KDM6A: variants seen among roughly 807,000 people sequenced by gnomAD.
KDM6A encodes the protein lysine demethylase 6A, also known as lysine-specific demethylase 6A.
In KDM6A, 11 loss-of-function variants were observed where a neutral mutation model predicts 117.6. That is an observed-to-expected ratio of 0.09 (90% CI 0.06 to 0.15). The LOEUF is 0.15. KDM6A is among the 10% of genes least tolerant of loss of function. The pLI, the probability that KDM6A is intolerant of heterozygous loss-of-function variation, is 1.00. For synonymous variants in KDM6A, 384 were observed against 396.1 expected (o/e 0.97, Z 0.36); for missense variants, 799 against 1,077.3 (o/e 0.74, Z 3.62).
chrX:44,950,020 CTT>C (rs761398475), intron 2 of KDM6A, among the ~76,000 whole-genome samples: 2 of 103,010 alleles, frequency 1.9e-5, no homozygotes, highest in Non-Finnish European at 2.0e-5. Context: ...ATAATGCCAA[CTT>C]TTTTTTTTTT....
At chrX:45,002,745 A>C in intron 4 of KDM6A, among the ~76,000 whole-genome samples, 1 of 110,538 alleles carries the variant, frequency 9.0e-6, no homozygotes, top group South Asian at 3.8e-4. Context: ...ATTCTTTGAC[A>C]TACCTCAACT....
At chrX:44,984,294 G>C (rs1363812066) in intron 4 of KDM6A, among the ~76,000 whole-genome samples, 2 of 111,559 alleles carry the variant, frequency 1.8e-5, no homozygotes, top group East Asian at 5.6e-4. Context: ...TGAGTTCATC[G>C]TAGATTCTGG....
intron 4 of KDM6A, among the ~76,000 whole-genome samples, chrX:44,976,914 T>C (rs2039643197): frequency 1.8e-5 from 2 of 111,646 alleles, no homozygotes; most frequent in Non-Finnish European, 3.8e-5. Flanking sequence ...AAACTTTTTT[T>C]CCCTATGTCT....
At chrX:45,089,099 A>G (rs906169500) in intron 25 of KDM6A, among the ~76,000 whole-genome samples, 1 of 112,050 alleles carries the variant, frequency 8.9e-6, no homozygotes, top group East Asian at 2.8e-4. Context: ...AGGGATTTCT[A>G]GGTGCTCCAG....
intron 2 of KDM6A, among the ~76,000 whole-genome samples, chrX:44,930,939 G>A (rs1226644317): frequency 2.7e-5 from 3 of 111,348 alleles, no homozygotes; most frequent in African/African-American, 9.8e-5. Context: ...TCTTATCTGA[G>A]GACCATCCCT....
chrX:44,962,288 G>A (rs1221730881), intron 3 of KDM6A, among the ~76,000 whole-genome samples: 1 of 111,974 alleles, frequency 8.9e-6, no homozygotes, highest in East Asian at 2.8e-4. Context: ...TCTGAGACAG[G>A]CATATTCTGT....
intron 2 of KDM6A, among the ~76,000 whole-genome samples, chrX:44,894,447 G>A (rs2033632834): frequency 9.1e-6 from 1 of 110,189 alleles, no homozygotes; most frequent in African/African-American, 3.3e-5. Context: ...GAGTTGATCT[G>A]TTTCTTTTAA....
Position 45,111,775 on chromosome X carries a change from GA to G in KDM6A, c.*372del, listed in dbSNP as rs758082394. The G allele has an allele frequency of 5.1e-4, 99 of 192,936 alleles. No homozygotes were observed. Among genetic ancestry groups the G allele is most frequent in the African/African-American group, 2.5e-3 (85 of 34,006 alleles). 15.9% of individuals were successfully genotyped at this position (192,936 alleles called of 1,213,427 possible). On this transcript the variant is annotated 3_prime_UTR_variant, in exon 30 of 30. Transcript: ENST00000611820. ...TTTTCCCCCTTCAGAATTTTCCTTGGAAAAAAAATACTAGCCTAGCTGGTCA... is the reference window on the plus strand; with the variant it reads ...TTTTCCCCCTTCAGAATTTTCCTTGGAAAAAAATACTAGCCTAGCTGGTCA...
chrX:44,955,976 A>C (rs2038300922), intron 2 of KDM6A, among the ~76,000 whole-genome samples: 1 of 111,794 alleles, frequency 8.9e-6, no homozygotes, highest in Admixed American at 9.5e-5. Flanking sequence ...CTTTGTATTT[A>C]TATGAACCAG....
intron 2 of KDM6A, among the ~76,000 whole-genome samples, chrX:44,947,469 G>A (rs990949750): frequency 6.5e-5 from 7 of 107,516 alleles, no homozygotes; most frequent in Non-Finnish European, 1.2e-4. Flanking sequence ...TCCGCCTCCC[G>A]GGTCCATGCC....
At chrX:45,061,758 C>G (rs1569533670) in intron 15 of KDM6A, among the ~76,000 whole-genome samples, 3 of 110,021 alleles carry the variant, frequency 2.7e-5, no homozygotes. Flanking sequence ...TCCCAAAGTG[C>G]TGAGATTACA....
At chrX:45,014,050 G>T (rs1399593364) in intron 5 of KDM6A, among the ~76,000 whole-genome samples, 1 of 111,723 alleles carries the variant, frequency 9.0e-6, no homozygotes, top group East Asian at 2.8e-4. Context: ...TTGTCAGCAT[G>T]AAGAATCTGC....
At chrX:45,035,562 A>G (rs1270427977) in intron 7 of KDM6A, among the ~76,000 whole-genome samples, 1 of 111,129 alleles carries the variant, frequency 9.0e-6, no homozygotes, top group Non-Finnish European at 1.9e-5. Flanking sequence ...GATTGGGTTG[A>G]TTATATGTTT....
At chrX:45,010,926 AT>A in intron 4 of KDM6A, 34 bp from the exon 5 acceptor site, 1 of 1,067,451 alleles carries the variant, frequency 9.4e-7, no homozygotes. Context: ...AGATACAAGT[AT>A]TTTTCCTAAA....
At chrX:44,958,325 G>A (rs1483120774) in intron 2 of KDM6A, among the ~76,000 whole-genome samples, 1 of 108,716 alleles carries the variant, frequency 9.2e-6, no homozygotes, top group Non-Finnish European at 1.9e-5. Context: ...TGGGACTACA[G>A]GCGCCCACCA....
intron 4 of KDM6A, among the ~76,000 whole-genome samples, chrX:44,979,080 G>A (rs2039757221): frequency 8.9e-6 from 1 of 111,935 alleles, no homozygotes; most frequent in Non-Finnish European, 1.9e-5. Context: ...ATTTGTCTTG[G>A]TATATATACC....
At chrX:44,917,988 C>A (rs73488846) in intron 2 of KDM6A, among the ~76,000 whole-genome samples, 75 of 111,658 alleles carry the variant, frequency 6.7e-4, no homozygotes, top group Non-Finnish European at 1.3e-3. Flanking sequence ...AAACCTAAAG[C>A]ACAACTGGAC....
chrX:45,078,380 C>T lies in KDM6A; in HGVS notation c.2989-20C>T, dbSNP rs371783985. On this transcript the variant is annotated intron_variant, in intron 19 of 29. Coordinates refer to ENST00000611820, the MANE Select transcript of KDM6A (RefSeq NM_001291415.2). ...AAGCTCTGTTTTCCTGAGATCTAAC[C>T]ACATATTTTAATTTTACAGTTGGAA... 3.4e-6 allele frequency: 4 copies of T among 1,179,298 alleles called. No individual in the cohort carries two copies. Among genetic ancestry groups the T allele is most frequent in the Non-Finnish European group, 4.6e-6 (4 of 869,737 alleles).
chrX:44,925,328 A>G (rs893913472), intron 2 of KDM6A, among the ~76,000 whole-genome samples: 11 of 111,047 alleles, frequency 9.9e-5, no homozygotes, highest in Non-Finnish European at 1.9e-4. Flanking sequence ...AACTCTCTCC[A>G]TGGAGTAAGC....
Sources: gnomAD v4.1 joint callset for allele counts (sites outside exome capture counted in the v4.1 genomes callset) on GRCh38, gnomAD v4.1.1 for gene constraint, MANE v1.5 for transcripts, NCBI Gene and HGNC (gene_info 2026-07-23, HGNC 2026-07-21) for gene names.